Variants in ZNF582 observed in about 807,000 individuals in gnomAD.
ZNF582 encodes the protein zinc finger protein 582.
ZNF582 carries 14 observed loss-of-function variants against 12.3 expected under a neutral mutation model. The ratio of observed to expected loss-of-function variants is 1.14; its 90% CI spans 0.75 to 1.78. The LOEUF (loss-of-function observed/expected upper bound fraction) is 1.78, where lower values mean the gene tolerates loss of function less well. Ranked by LOEUF, ZNF582 falls within the 40% of genes most tolerant of loss-of-function variation. The pLI, the probability that ZNF582 is intolerant of heterozygous loss-of-function variation, is 0.00. For missense variants in ZNF582, 567 were observed against 616.5 expected (o/e 0.92, Z 0.85); for synonymous variants, 210 against 207.2 (o/e 1.01, Z -0.11).
At chr19:56,388,982 C>G (rs998870848) in intron 4 of ZNF582, among the ~76,000 whole-genome samples, 1 of 152,180 alleles carries the variant, frequency 6.6e-6, no homozygotes, top group Non-Finnish European at 1.5e-5. Context: ...TCCATTATCT[C>G]AGAGGTACCA....
At chr19:56,384,140 T>C in exon 5 of ZNF582, 2 of 1,612,928 alleles carry the variant, frequency 1.2e-6, no homozygotes, top group Non-Finnish European at 1.7e-6. Flanking sequence ...CCCACATTCC[T>C]TACATTCATA....
chr19:56,392,044 A>G (rs2042018232), intron 1 of ZNF582, among the ~76,000 whole-genome samples: 1 of 152,166 alleles, frequency 6.6e-6, no homozygotes, highest in Non-Finnish European at 1.5e-5. Context: ...TTTCCCCTAA[A>G]CATCCAGTGG....
At chr19:56,391,860 G>C (rs532062016) in intron 1 of ZNF582, 28 bp from the exon 2 acceptor site, 2 of 1,596,684 alleles carry the variant, frequency 1.3e-6, no homozygotes, top group African/African-American at 1.3e-5. Context: ...AAACATGAGA[G>C]GCTAGGCTTG....
chr19:56,391,814 G>C (rs569425564), exon 2 of ZNF582: 14 of 1,614,050 alleles, frequency 8.7e-6, no homozygotes, highest in Middle Eastern at 1.6e-4. Flanking sequence ...GGGAAGGGCA[G>C]AGTCCTGCGA....
intron 1 of ZNF582, 61 bp downstream of exon 1, chr19:56,393,159 G>T: frequency 2.5e-6 from 3 of 1,184,014 alleles, no homozygotes; most frequent in Non-Finnish European, 3.3e-6. Flanking sequence ...AAAAAGGCAC[G>T]CATAACAGTG....
intron 2 of ZNF582, among the ~76,000 whole-genome samples, chr19:56,391,527 C>A (rs539635536): frequency 6.6e-6 from 1 of 152,178 alleles, no homozygotes; most frequent in African/African-American, 2.4e-5. Flanking sequence ...ATGAGTTTCT[C>A]CTCCTAGCAG....
chr19:56,385,289 ATG>A, intron 4 of ZNF582, 105 bp from the exon 5 acceptor site: 1 of 1,174,484 alleles, frequency 8.5e-7, no homozygotes, highest in South Asian at 1.6e-5. Context: ...TAACTCTTGA[ATG>A]TAGCTAAGCA....
Position 56,393,209 on chromosome 19 carries a change from T to A in ZNF582, c.-81+11A>T. The A allele has an allele frequency of 7.9e-7, 1 of 1,263,040 alleles. No homozygotes were observed. Among genetic ancestry groups the A allele is most frequent in the Non-Finnish European group, 1.0e-6 (1 of 982,118 alleles). 78.2% of individuals were successfully genotyped at this position (1,263,040 alleles called of 1,614,324 possible). ...GCAATTTCAGGGGGTCGGAGACCCC[T>A]GCGCACCCACCTAAGGGGTCCATGC... is the stretch of plus-strand genomic sequence containing the variant. On this transcript the variant is annotated intron_variant, in intron 1 of 4. Coordinates refer to ENST00000586929, the Ensembl canonical transcript of ZNF582.
intron 4 of ZNF582, 53 bp from the exon 5 acceptor site, chr19:56,385,237 G>C: frequency 6.6e-7 from 1 of 1,507,676 alleles, no homozygotes. Context: ...TCCAGATAAA[G>C]GAACTAAAAT....
intron 2 of ZNF582, among the ~76,000 whole-genome samples, chr19:56,390,760 C>T (rs1015370926): frequency 6.6e-6 from 1 of 152,130 alleles, no homozygotes; most frequent in African/African-American, 2.4e-5. Flanking sequence ...ATGGAGTTTT[C>T]CTTATTGTTA....
chr19:56,389,702 T>C (rs1390645876), intron 4 of ZNF582, among the ~76,000 whole-genome samples: 1 of 151,874 alleles, frequency 6.6e-6, no homozygotes, highest in Non-Finnish European at 1.5e-5. Flanking sequence ...TTAAAATTAA[T>C]AAAAAAAGAA....
exon 5 of ZNF582, chr19:56,384,510 T>C: frequency 6.2e-7 from 1 of 1,612,740 alleles, no homozygotes; most frequent in Non-Finnish European, 8.5e-7. Flanking sequence ...GTATGAATTC[T>C]ATAATGTACT....
exon 5 of ZNF582, chr19:56,382,781 G>A (rs1170551335): frequency 3.9e-5 from 6 of 152,118 alleles, no homozygotes; most frequent in South Asian, 2.1e-4. Flanking sequence ...ATTTTTCTCA[G>A]ATAACAAGGC....
chr19:56,385,318 G>A, intron 4 of ZNF582, 134 bp from the exon 5 acceptor site: 1 of 887,620 alleles, frequency 1.1e-6, no homozygotes, highest in South Asian at 2.0e-5. Flanking sequence ...AAATGGACAA[G>A]TAGAACAGTG....
At chr19:56,390,970 G>T (rs1471731006) in intron 2 of ZNF582, among the ~76,000 whole-genome samples, 3 of 152,148 alleles carry the variant, frequency 2.0e-5, no homozygotes, top group Admixed American at 6.5e-5. Context: ...TGTAAGTCAA[G>T]AATTTCTTGG....
intron 4 of ZNF582, among the ~76,000 whole-genome samples, chr19:56,389,617 C>T (rs1225224046): frequency 6.6e-6 from 1 of 151,868 alleles, no homozygotes. Context: ...AAACAAACCC[C>T]CATGACACAA....
chr19:56,390,461 T>C, exon 3 of ZNF582: 1 of 1,614,062 alleles, frequency 6.2e-7, no homozygotes, highest in Non-Finnish European at 8.5e-7. Flanking sequence ...CCATTCTTCT[T>C]GGGAGAAGAC....
At chr19:56,384,216 C>T in exon 5 of ZNF582, 1 of 1,613,170 alleles carries the variant, frequency 6.2e-7, no homozygotes, top group Non-Finnish European at 8.5e-7. Flanking sequence ...AAGGCCCTAC[C>T]ACATACCTTA....
chr19:56,386,663 A>G (rs1432709529), intron 4 of ZNF582: 1 of 152,258 alleles, frequency 6.6e-6, no homozygotes, highest in African/African-American at 2.4e-5. Context: ...GTTGACTTAA[A>G]GAGACTCAGA....
Sources: allele counts gnomAD v4.1 joint callset (sites outside exome capture counted in the v4.1 genomes callset), GRCh38; gene constraint gnomAD v4.1.1; transcripts MANE v1.5; gene names NCBI Gene and HGNC (gene_info 2026-07-23, HGNC 2026-07-21).